Variants in FASTKD1 observed in about 807,000 individuals in gnomAD.
FASTKD1 encodes the protein FAST kinase domain-containing protein 1, mitochondrial.
FASTKD1 carries 94 observed loss-of-function variants against 90.9 expected under a neutral mutation model. The ratio of observed to expected loss-of-function variants is 1.03; its 90% CI spans 0.88 to 1.23. The LOEUF is 1.23. FASTKD1 is among the 50% of genes most tolerant of loss of function. The probability of loss-of-function intolerance (pLI) is 0.00; values close to 1 mark genes in which losing one functional copy is unlikely to be tolerated. For missense variants in FASTKD1, 945 were observed against 993.5 expected (o/e 0.95, Z 0.66); for synonymous variants, 319 against 345.8 (o/e 0.92, Z 0.86).
intron 12 of FASTKD1, among the ~76,000 whole-genome samples, chr2:169,535,280 C>G (rs539349430): frequency 6.6e-6 from 1 of 151,996 alleles, no homozygotes; most frequent in South Asian, 2.1e-4. Context: ...CTCCTGGGTT[C>G]AAGAGATTCT....
chr2:169,546,685 T>A lies in FASTKD1; in HGVS notation c.1234A>T (p.Ile412Leu). The change falls in exon 8 of 15, where the codon ATA becomes TTA. Residue 412 changes from isoleucine (I) to leucine (L), a missense_variant. Transcript: ENST00000453153. ...ACCAGAACAGACACCTCAGTTGGTA[T>A]GAAACTATTTTTCAAATAACTGCAA... The part of the protein sequence containing the change: ...LLLSYLKNSF[I>L]PTEVSVLVRA... The A allele has an allele frequency of 6.3e-7, 1 of 1,595,658 alleles. No individual in the cohort carries two copies. The highest frequency in any genetic ancestry group is 8.5e-7 in the Non-Finnish European group (1 of 1,172,124).
rs1306037604 is a variant in FASTKD1, at chr2:169,531,431, C to T, written c.2248G>A (p.Ala750Thr). The change falls in exon 13 of 15, where the codon GCA becomes ACA. Residue 750 changes from alanine (A) to threonine (T), a missense_variant. Coordinates refer to ENST00000453153, the MANE Select transcript of FASTKD1 (RefSeq NM_024622.6). ...GGCATTTCTGGTAGTTGTCCCAATGCTATATTATGGCTTCCATACGGAAGA... is the reference window on the plus strand; with the variant it reads ...GGCATTTCTGGTAGTTGTCCCAATGTTATATTATGGCTTCCATACGGAAGA... Reference protein sequence around the residue: ...KPLPYGSHNIALGQLPEMPWE... With the variant: ...KPLPYGSHNITLGQLPEMPWE... The T allele has an allele frequency of 1.2e-6, 2 of 1,612,318 alleles. No homozygotes were observed. The highest frequency in any genetic ancestry group is 1.7e-6 in the Non-Finnish European group (2 of 1,179,584).
chr2:169,530,887 T>C, intron 13 of FASTKD1, 186 bp from the exon 14 acceptor site: 1 of 683,032 alleles, frequency 1.5e-6, no homozygotes, highest in Non-Finnish European at 2.7e-6. Flanking sequence ...TTACACAAAA[T>C]TATTGTAAAT....
chr2:169,535,438 CTATT>C (rs888692142), intron 12 of FASTKD1, among the ~76,000 whole-genome samples: 6 of 134,992 alleles, frequency 4.4e-5, no homozygotes, highest in South Asian at 2.6e-4. Context: ...ACCATGCCTG[CTATT>C]TATTTATTTA....
At chr2:169,565,249 CTTTTTT>C (rs71003101) in intron 3 of FASTKD1, among the ~76,000 whole-genome samples, 7 of 26,550 alleles carry the variant, frequency 2.6e-4, no homozygotes, top group African/African-American at 6.8e-4. Context: ...CCACACCAGG[CTTTTTT>C]TTTTTTTTTT....
chr2:169,541,818 T>G (rs1684970207), intron 9 of FASTKD1, among the ~76,000 whole-genome samples: 2 of 152,128 alleles, frequency 1.3e-5, no homozygotes, highest in Non-Finnish European at 2.9e-5. Flanking sequence ...GAAACCAGTC[T>G]CTGGCTGTCT....
chr2:169,547,513 G>A (rs763829900), intron 7 of FASTKD1, among the ~76,000 whole-genome samples: 1 of 152,116 alleles, frequency 6.6e-6, no homozygotes, highest in Non-Finnish European at 1.5e-5. Flanking sequence ...AAAGGCTATA[G>A]CAAGAGCTAT....
intron 11 of FASTKD1, among the ~76,000 whole-genome samples, chr2:169,537,794 C>T (rs1574370366): frequency 6.6e-6 from 1 of 152,088 alleles, no homozygotes; most frequent in Non-Finnish European, 1.5e-5. Flanking sequence ...ACACTAAATT[C>T]AATACAAGTT....
At position 169,546,679 on chromosome 2, in the gene FASTKD1, T is replaced by C; in HGVS notation, c.1240A>G (p.Thr414Ala). ...LSYLKNSFIP[T>A]EVSVLVRAIS... ...GCACGGACCAGAACAGACACCTCAGTTGGTATGAAACTATTTTTCAAATAA... is the reference window on the plus strand; with the variant it reads ...GCACGGACCAGAACAGACACCTCAGCTGGTATGAAACTATTTTTCAAATAA... Residue 414 changes from threonine to alanine, a missense_variant, in exon 8 of 15, where the codon ACT (threonine) becomes GCT (alanine). By Grantham distance (58) the Thr-to-Ala change is moderately conservative (BLOSUM62 0). Transcript: ENST00000453153. 5.0e-6 allele frequency: 8 copies of C among 1,603,726 alleles called. No individual in the cohort carries two copies. The highest frequency in any genetic ancestry group is 6.8e-6 in the Non-Finnish European group (8 of 1,175,452).
In FASTKD1 at chr2:169,573,712, C is replaced by A. The variant is rs1035211842; in HGVS notation, c.-186G>T. On this transcript the variant is annotated 5_prime_UTR_variant, in exon 1 of 15. Transcript: ENST00000453153. ...GCGCGCCGCAAATTTTCTGGAGGAT[C>A]CTGGGGTTATGAAAGCTCAGAAGTC... The A allele has an allele frequency of 1.7e-4, 26 of 152,244 alleles. No homozygotes were observed. Among genetic ancestry groups the A allele is most frequent in the African/African-American group, 5.3e-4 (22 of 41,456 alleles). The allele number at this position is 152,244 out of a possible 1,614,324, so 9.4% of individuals were successfully genotyped here. A position where few individuals can be genotyped will look rare whatever the true frequency, so the allele number is the denominator to read the frequency against.
chr2:169,554,433 G>A (rs1685649930), intron 7 of FASTKD1, among the ~76,000 whole-genome samples: 1 of 151,838 alleles, frequency 6.6e-6, no homozygotes, highest in Non-Finnish European at 1.5e-5. Context: ...GGAGGCTCAG[G>A]CAGGTGGATC....
At chr2:169,534,523 G>C (rs1474480238) in intron 12 of FASTKD1, among the ~76,000 whole-genome samples, 30 of 141,164 alleles carry the variant, frequency 2.1e-4, no homozygotes, top group African/African-American at 7.9e-4. Context: ...GCAGTGGCAC[G>C]ATCCCGGCTC....
At chr2:169,544,572 A>G (rs1409601337) in intron 9 of FASTKD1, 149 bp downstream of exon 9, 2 of 594,588 alleles carry the variant, frequency 3.4e-6, no homozygotes, top group African/African-American at 3.8e-5. Context: ...CTCTGTCTCA[A>G]AAACAAACAA....
Position 169,555,224 on chromosome 2 carries a change from C to A in FASTKD1, c.1114G>T (p.Gly372Cys), listed in dbSNP as rs1683246786. Residue 372 changes from glycine to cysteine, a missense_variant, in exon 7 of 15, where the codon GGC (glycine) becomes TGC (cysteine). Gly to Cys is a radical substitution (Grantham distance 159, BLOSUM62 -3). Coordinates refer to ENST00000453153, the MANE Select transcript of FASTKD1 (RefSeq NM_024622.6). Reference sequence around the variant, plus strand: ...TTCAACAACTCTAATGGTTTATAGCCATCCAAATGTTTATGCAGAACTGAA... The same window carrying A: ...TTCAACAACTCTAATGGTTTATAGCAATCCAAATGTTTATGCAGAACTGAA... ...VTSVLHKHLDGYKPLELLKIT... is the reference protein window; with the variant it reads ...VTSVLHKHLDCYKPLELLKIT... 22 of 1,610,824 alleles carry A rather than the reference C, an allele frequency of 1.4e-5. No homozygotes were observed. Among genetic ancestry groups the A allele is most frequent in the Non-Finnish European group, 1.8e-5 (21 of 1,178,514 alleles).
At chr2:169,564,138 T>TATAC (rs1276586384) in intron 3 of FASTKD1, among the ~76,000 whole-genome samples, 1 of 152,114 alleles carries the variant, frequency 6.6e-6, no homozygotes, top group Non-Finnish European at 1.5e-5. Context: ...GTATAATTTT[T>TATAC]ATACATTATT....
intron 3 of FASTKD1, among the ~76,000 whole-genome samples, chr2:169,565,425 GCTAA>G (rs1683929170): frequency 1.3e-5 from 2 of 151,500 alleles, no homozygotes; most frequent in Admixed American, 1.3e-4. Context: ...ACCACGCCCG[GCTAA>G]CTTTTTGTAT....
At chr2:169,544,697 T>C (rs374179156) in intron 9 of FASTKD1, 24 bp downstream of exon 9, 4 of 1,265,236 alleles carry the variant, frequency 3.2e-6, no homozygotes, top group South Asian at 1.2e-5. Context: ...ATTCACTCAA[T>C]GTATTACCAA....
intron 8 of FASTKD1, among the ~76,000 whole-genome samples, 196 bp downstream of exon 8, chr2:169,546,022 C>G (rs944834400): frequency 2.0e-5 from 3 of 152,132 alleles, no homozygotes; most frequent in Non-Finnish European, 4.4e-5. Context: ...AGCCTTAATT[C>G]CTGGGCTCAA....
intron 14 of FASTKD1, among the ~76,000 whole-genome samples, chr2:169,530,339 C>T (rs942099796): frequency 5.9e-5 from 9 of 152,098 alleles, no homozygotes; most frequent in Non-Finnish European, 1.3e-4. Context: ...TGCTCTGTCA[C>T]CCAGGCTGGA....
Sources: allele counts gnomAD v4.1 joint callset (sites outside exome capture counted in the v4.1 genomes callset), GRCh38; gene constraint gnomAD v4.1.1; transcripts MANE v1.5; gene names NCBI Gene and HGNC (gene_info 2026-07-23, HGNC 2026-07-21).